The following SH3RF3 variants were observed in gnomAD, a reference collection of about 807,000 sequenced individuals.
SH3RF3 encodes the protein SH3 domain containing ring finger 3, also known as E3 ubiquitin-protein ligase SH3RF3.
Under a neutral mutation model 66.3 loss-of-function variants are expected in SH3RF3, and 29 were observed. The observed-to-expected ratio is 0.44, with a 90% CI of 0.33 to 0.60. The LOEUF (loss-of-function observed/expected upper bound fraction) is 0.60. Ranked by LOEUF, SH3RF3 falls within the 20% of genes least tolerant of loss-of-function variation. The probability of loss-of-function intolerance (pLI) is 0.04; values close to 1 mark genes in which losing one functional copy is unlikely to be tolerated. For synonymous variants in SH3RF3, 583 were observed against 532.0 expected, an observed-to-expected ratio of 1.10 and a Z score of -1.32; for missense variants, 1,194 against 1,190.9, an observed-to-expected ratio of 1.00 and a Z score of -0.04.
intron 1 of SH3RF3, among the ~76,000 whole-genome samples, chr2:109,326,103 T>G (rs978917736): frequency 6.6e-6 from 1 of 152,210 alleles, no homozygotes; most frequent in African/African-American, 2.4e-5. Flanking sequence ...GGTAAAACAT[T>G]TAAGGACACA....
intron 1 of SH3RF3, among the ~76,000 whole-genome samples, chr2:109,280,407 G>A (rs1297762517): frequency 6.6e-6 from 1 of 152,168 alleles, no homozygotes; most frequent in East Asian, 1.9e-4. Context: ...CTCTTGGCTA[G>A]GCAGGGTGAT....
At chr2:109,265,115 G>A (rs983109729) in intron 1 of SH3RF3, among the ~76,000 whole-genome samples, 3 of 152,116 alleles carry the variant, frequency 2.0e-5, no homozygotes, top group Non-Finnish European at 4.4e-5. Flanking sequence ...GAGGCGTTGC[G>A]AAATAGGATG....
intron 3 of SH3RF3, among the ~76,000 whole-genome samples, chr2:109,375,458 C>G (rs1683360568): frequency 6.6e-6 from 1 of 152,232 alleles, no homozygotes; most frequent in African/African-American, 2.4e-5. Context: ...AGGAGTGGGC[C>G]TGGCCTCTCA....
chr2:109,149,793 G>A (rs1337631837), intron 1 of SH3RF3, among the ~76,000 whole-genome samples: 1 of 152,256 alleles, frequency 6.6e-6, no homozygotes, highest in Non-Finnish European at 1.5e-5. Context: ...CTACAGTGGA[G>A]ATGCTTTGTA....
intron 1 of SH3RF3, among the ~76,000 whole-genome samples, chr2:109,270,333 A>T (rs1370257019): frequency 6.6e-6 from 1 of 152,102 alleles, no homozygotes; most frequent in East Asian, 1.9e-4. Flanking sequence ...CATGGGGAGG[A>T]TTGCCATTCA....
intron 1 of SH3RF3, among the ~76,000 whole-genome samples, chr2:109,286,006 T>C (rs755419759): frequency 6.6e-6 from 1 of 152,178 alleles, no homozygotes; most frequent in Non-Finnish European, 1.5e-5. Context: ...CCAGGACACA[T>C]CAGAGGCTGG....
chr2:109,301,354 TTG>T (rs1003666628), intron 1 of SH3RF3, among the ~76,000 whole-genome samples: 116 of 70,036 alleles, frequency 1.7e-3, no homozygotes, highest in Non-Finnish European at 2.9e-3. Flanking sequence ...GTGTGTGTGT[TTG>T]TGTATGTTTT....
At chr2:109,393,558 G>A (rs1185169243) in intron 3 of SH3RF3, among the ~76,000 whole-genome samples, 1 of 152,072 alleles carries the variant, frequency 6.6e-6, no homozygotes. Context: ...TTTCCGAATG[G>A]TGCATCCATG....
intron 1 of SH3RF3, among the ~76,000 whole-genome samples, chr2:109,203,326 G>A (rs751276756): frequency 1.2e-4 from 18 of 152,244 alleles, no homozygotes; most frequent in Non-Finnish European, 7.3e-5. Flanking sequence ...AGACAGTGGC[G>A]CAGATGCGGC....
chr2:109,474,775 A>G (rs1344249982), intron 8 of SH3RF3, among the ~76,000 whole-genome samples: 2 of 152,140 alleles, frequency 1.3e-5, no homozygotes, highest in East Asian at 1.9e-4. Flanking sequence ...GGCCCTGCAC[A>G]CCCTGGGACA....
rs1453510455 is a variant in SH3RF3, at chr2:109,246,393, A to G, written c.574-101281A>G. 2.6e-5 allele frequency among the ~76,000 whole-genome samples: 4 copies of G among 152,296 alleles called. No individual in the cohort carries two copies. The East Asian group carries it at 7.7e-4, about 29-fold the overall frequency. The stretch of plus-strand genomic sequence containing the variant: ...GCAACTCTCCGAGGCCTCTTTAGTA[A>G]GACACTAATCCCATTCATGAGGGCT... On this transcript the variant is annotated intron_variant, in intron 1 of 9. Coordinates refer to ENST00000309415, the MANE Select transcript of SH3RF3 (RefSeq NM_001099289.3).
intron 5 of SH3RF3, among the ~76,000 whole-genome samples, chr2:109,421,186 C>T (rs1676866088): frequency 1.3e-5 from 2 of 152,220 alleles, no homozygotes; most frequent in Non-Finnish European, 2.9e-5. Flanking sequence ...AAGAAACCTG[C>T]ACCCACAGTG....
At chr2:109,170,826 C>A (rs1262726064) in intron 1 of SH3RF3, among the ~76,000 whole-genome samples, 2 of 152,192 alleles carry the variant, frequency 1.3e-5, no homozygotes, top group African/African-American at 4.8e-5. Flanking sequence ...CATAGTTTAC[C>A]TGTGAACAGA....
intron 1 of SH3RF3, among the ~76,000 whole-genome samples, chr2:109,163,841 A>G (rs1390537910): frequency 6.6e-6 from 1 of 152,192 alleles, no homozygotes; most frequent in Non-Finnish European, 1.5e-5. Flanking sequence ...GTTTTCCATG[A>G]TCTCTCTGGT....
intron 1 of SH3RF3, among the ~76,000 whole-genome samples, chr2:109,268,684 A>C (rs768930660): frequency 6.6e-6 from 1 of 151,680 alleles, no homozygotes; most frequent in Non-Finnish European, 1.5e-5. Context: ...CAATCACTCT[A>C]TTTTTCACTT....
Position 109,400,965 on chromosome 2 carries a change from T to C in SH3RF3, c.1299+2022T>C, listed in dbSNP as rs535444170. 4.6e-5 allele frequency among the ~76,000 whole-genome samples: 7 copies of C among 152,326 alleles called. No individual in the cohort carries two copies. The East Asian group carries it at 1.2e-3, about 25-fold the overall frequency. ...ACTCCTGACCTGGGCTAAATTCTTCTTGAGCACCTCCTATTTGGAAATTCC... is the reference window on the plus strand; with the variant it reads ...ACTCCTGACCTGGGCTAAATTCTTCCTGAGCACCTCCTATTTGGAAATTCC... On this transcript the variant is annotated intron_variant, in intron 4 of 9. Transcript: ENST00000309415.
intron 7 of SH3RF3, 28 bp from the exon 8 acceptor site, chr2:109,449,142 C>T (rs765883105): frequency 1.2e-6 from 2 of 1,605,512 alleles, no homozygotes; most frequent in Non-Finnish European, 1.7e-6. Flanking sequence ...AACCTTTCAA[C>T]CTGCTGTCTC....
rs577582596 is a variant in SH3RF3, at chr2:109,423,246, C to T, written c.1403+3604C>T. On this transcript the variant is annotated intron_variant, in intron 5 of 9. Transcript: ENST00000309415. ...GGAAGCCCAGGGGAATCGTGGCCAGCGGTTTTCATCCTCCCCTGCTGAGGT... is the reference window on the plus strand; with the variant it reads ...GGAAGCCCAGGGGAATCGTGGCCAGTGGTTTTCATCCTCCCCTGCTGAGGT... Among the ~76,000 whole-genome samples the T allele has an allele frequency of 4.6e-5, 7 of 152,086 alleles. No individual in the cohort carries two copies. The East Asian group carries it at 5.8e-4, about 13-fold the overall frequency.
In SH3RF3 at chr2:109,470,750, G is replaced by A. The variant is rs1435509390; in HGVS notation, c.2149-19855G>A. On this transcript the variant is annotated intron_variant, in intron 8 of 9. Transcript: ENST00000309415. ...AGATGTGCAGGAAGTAGAGGCCTCG[G>A]CTCAGCCACCCCTGTTCCACAGGCC... Among the ~76,000 whole-genome samples the A allele has an allele frequency of 3.4e-4, 52 of 152,212 alleles. 1 individual carries two copies. The highest frequency in any genetic ancestry group is 3.4e-3 in the Admixed American group (52 of 15,284).
Sources: gnomAD v4.1 joint callset for allele counts (sites outside exome capture counted in the v4.1 genomes callset) on GRCh38, gnomAD v4.1.1 for gene constraint, MANE v1.5 for transcripts, NCBI Gene and HGNC (gene_info 2026-07-23, HGNC 2026-07-21) for gene names.